Variants in RORA observed in about 807,000 individuals in gnomAD.
RORA encodes RAR related orphan receptor A.
Under a neutral mutation model 69.5 loss-of-function variants are expected in RORA, and 7 were observed. The observed-to-expected ratio is 0.10, with a 90% CI of 0.06 to 0.19. RORA has a LOEUF of 0.19. Ranked by LOEUF, RORA falls within the 10% of genes least tolerant of loss-of-function variation. The probability of loss-of-function intolerance (pLI) is 1.00; values close to 1 mark genes in which losing one functional copy is unlikely to be tolerated. For missense variants in RORA, 457 were observed against 663.0 expected (o/e 0.69, Z 3.41); for synonymous variants, 261 against 240.8 (o/e 1.08, Z -0.78).
At position 60,531,598 on chromosome 15, in the gene RORA, T is replaced by TAAC. The variant is rs987560654; in HGVS notation, c.282+165_282+167dup. On this transcript the variant is annotated intron_variant, in intron 3 of 10. Transcript: ENST00000335670. The surrounding 1 kb of genome is among the most constrained non-coding windows in gnomAD (Gnocchi z 4.8). ...TTGAAGGAAGGAGTAAAAATATATA[T>TAAC]AACTTCTTTAATTGTAATTTAACAC... 9 of 540,860 alleles carry TAAC rather than the reference T, an allele frequency of 1.7e-5. No homozygotes were observed. Among genetic ancestry groups the TAAC allele is most frequent in the Non-Finnish European group, 2.9e-5 (9 of 311,244 alleles). The allele number at this position is 540,860 out of a possible 1,614,324, so 33.5% of individuals were successfully genotyped here. A position where few individuals can be genotyped will look rare whatever the true frequency, so the allele number is the denominator to read the frequency against.
chr15:61,055,848 C>G (rs113065779), intron 1 of RORA, among the ~76,000 whole-genome samples: 12 of 152,346 alleles, frequency 7.9e-5, no homozygotes, highest in African/African-American at 2.6e-4. Context: ...CGTCATGACA[C>G]TCTTCCTCAG....
At chr15:60,968,318 A>G (rs1893615451) in intron 1 of RORA, among the ~76,000 whole-genome samples, 1 of 152,226 alleles carries the variant, frequency 6.6e-6, no homozygotes, top group Admixed American at 6.5e-5. Flanking sequence ...GTCCTTAAAC[A>G]TACGCATGCA....
intron 1 of RORA, among the ~76,000 whole-genome samples, chr15:60,813,312 T>C (rs1655708869): frequency 6.6e-6 from 1 of 152,220 alleles, no homozygotes; most frequent in Non-Finnish European, 1.5e-5. Flanking sequence ...GAGTTCTATC[T>C]GGACGCCCAG....
Position 60,789,523 on chromosome 15 carries a change from C to T in RORA, c.167-110837G>A, listed in dbSNP as rs1240703907. Among the ~76,000 whole-genome samples the T allele has an allele frequency of 4.6e-5, 7 of 152,258 alleles. No individual in the cohort carries two copies. In the East Asian group the frequency reaches 5.8e-4, roughly 13 times the overall value. ...TTCCCAGCACTGGGTCTGCATTGCA[C>T]CGACTATCCATACCGTTTCTTGATA... On this transcript the variant is annotated intron_variant, in intron 1 of 10. Transcript: ENST00000335670.
At chr15:60,677,580 CTTT>C (rs71122869) in intron 2 of RORA, among the ~76,000 whole-genome samples, 1 of 139,544 alleles carries the variant, frequency 7.2e-6, no homozygotes, top group Non-Finnish European at 1.6e-5. Flanking sequence ...TTGGTTTTTT[CTTT>C]TTTTTTTTTT....
At chr15:61,089,396 C>T (rs1350737944) in intron 1 of RORA, among the ~76,000 whole-genome samples, 4 of 152,152 alleles carry the variant, frequency 2.6e-5, no homozygotes, top group Non-Finnish European at 5.9e-5. Context: ...TTGTTCATTG[C>T]TTTTTCTTGC....
chr15:60,569,491 T>G (rs2067816735), intron 2 of RORA, among the ~76,000 whole-genome samples: 1 of 152,158 alleles, frequency 6.6e-6, no homozygotes, highest in African/African-American at 2.4e-5. Flanking sequence ...GAATGATGCT[T>G]AGTAAATATG....
chr15:61,172,150 T>A (rs561609272), intron 1 of RORA, among the ~76,000 whole-genome samples: 1 of 152,010 alleles, frequency 6.6e-6, no homozygotes, highest in Admixed American at 6.6e-5. Flanking sequence ...CAAAAAAAAA[T>A]GGTATAGTGT....
intron 1 of RORA, among the ~76,000 whole-genome samples, chr15:61,193,103 C>T (rs2079816156): frequency 6.6e-6 from 1 of 152,108 alleles, no homozygotes; most frequent in African/African-American, 2.4e-5. Flanking sequence ...CAATAGGAAC[C>T]ATCTATTCCA....
At chr15:60,611,846 C>T (rs2069100788) in intron 2 of RORA, among the ~76,000 whole-genome samples, 1 of 152,204 alleles carries the variant, frequency 6.6e-6, no homozygotes, top group Admixed American at 6.5e-5. Flanking sequence ...ACTGAGTCTA[C>T]TCTGCTCACT....
rs983423895 is a variant in RORA, at chr15:61,040,803, G to T, written c.166+188250C>A. Among the ~76,000 whole-genome samples, 11 of 152,232 alleles carry T rather than the reference G, an allele frequency of 7.2e-5. No homozygotes were observed. In the East Asian group the frequency reaches 9.6e-4, roughly 13 times the overall value. On this transcript the variant is annotated intron_variant, in intron 1 of 10. Transcript: ENST00000335670. ...CTGAATGAATGCAGATACTTCAAAAGATCTATACTTTATAGTCATAATCAA... is the reference window on the plus strand; with the variant it reads ...CTGAATGAATGCAGATACTTCAAAATATCTATACTTTATAGTCATAATCAA...
chr15:60,739,478 G>A (rs2071545279), intron 1 of RORA, among the ~76,000 whole-genome samples: 1 of 152,114 alleles, frequency 6.6e-6, no homozygotes, highest in South Asian at 2.1e-4. Flanking sequence ...GGCTGAGTAG[G>A]GAAGATCACT....
intron 1 of RORA, chr15:60,841,125 A>C: frequency 5.1e-6 from 5 of 982,326 alleles, no homozygotes; most frequent in Non-Finnish European, 6.0e-6. Context: ...GAGGGAAACA[A>C]CTTTTTCTTG....
At chr15:60,941,000 G>A (rs890634037) in intron 1 of RORA, among the ~76,000 whole-genome samples, 2 of 152,154 alleles carry the variant, frequency 1.3e-5, no homozygotes, top group African/African-American at 4.8e-5. Context: ...CAAGGCAAAT[G>A]GCCATGATTT....
intron 1 of RORA, among the ~76,000 whole-genome samples, chr15:60,798,592 A>G (rs1164854503): frequency 6.6e-6 from 1 of 151,884 alleles, no homozygotes; most frequent in Non-Finnish European, 1.5e-5. Flanking sequence ...AGAGGACTAA[A>G]GGCAAGCAGA....
At chr15:60,550,517 AT>A (rs1414533755) in intron 2 of RORA, among the ~76,000 whole-genome samples, 1 of 152,254 alleles carries the variant, frequency 6.6e-6, no homozygotes, top group Non-Finnish European at 1.5e-5. Flanking sequence ...TATTTAAAAA[AT>A]ATCAATGAAA....
At chr15:61,219,370 C>T (rs918045953) in intron 1 of RORA, among the ~76,000 whole-genome samples, 4 of 152,262 alleles carry the variant, frequency 2.6e-5, no homozygotes, top group South Asian at 2.1e-4. Context: ...GTCAGGAGAT[C>T]GAGACCAACC....
At chr15:60,553,930 C>T (rs1188794839) in intron 2 of RORA, among the ~76,000 whole-genome samples, 1 of 152,184 alleles carries the variant, frequency 6.6e-6, no homozygotes, top group African/African-American at 2.4e-5. Context: ...GCCTCCAGAT[C>T]TGATGACCTT....
At chr15:60,500,081 T>C (rs1468646073) in intron 9 of RORA, 77 bp from the exon 10 acceptor site, 1 of 844,796 alleles carries the variant, frequency 1.2e-6, no homozygotes, top group African/African-American at 1.7e-5. Flanking sequence ...ATTCTTTTGA[T>C]ACGGATAATT....
Sources: allele counts gnomAD v4.1 joint callset (sites outside exome capture counted in the v4.1 genomes callset), GRCh38; gene constraint gnomAD v4.1.1; non-coding constraint Gnocchi (gnomAD v3.1); transcripts MANE v1.5; gene names NCBI Gene and HGNC (gene_info 2026-07-23, HGNC 2026-07-21).